Variants in NEB observed in about 807,000 individuals in gnomAD.
NEB encodes the protein nemaline myopathy type 2.
NEB carries 512 observed loss-of-function variants against 952.2 expected under a neutral mutation model. The observed-to-expected ratio is 0.54, with a 90% CI of 0.50 to 0.58. NEB has a LOEUF of 0.58. Ranked by LOEUF, NEB falls within the 20% of genes least tolerant of loss-of-function variation. The probability of loss-of-function intolerance (pLI) is 0.00; values close to 1 mark genes in which losing one functional copy is unlikely to be tolerated. For missense variants in NEB, 8,428 were observed against 9,231.1 expected (o/e 0.91, Z 3.56); for synonymous variants, 2,900 against 3,149.8 (o/e 0.92, Z 2.66).
intron 40 of NEB, among the ~76,000 whole-genome samples, chr2:151,667,454 G>A (rs539695426): frequency 3.3e-5 from 5 of 152,032 alleles, no homozygotes; most frequent in African/African-American, 1.2e-4. Context: ...TTGGCAATTA[G>A]GATTTTAGGA....
intron 7 of NEB, 80 bp downstream of exon 7, chr2:151,724,777 G>T: frequency 8.3e-7 from 1 of 1,204,496 alleles, no homozygotes; most frequent in Non-Finnish European, 1.2e-6. Context: ...GATCAGGCCT[G>T]TCCAATTTTC....
At chr2:151,707,836 T>C (rs11695661) in intron 12 of NEB, among the ~76,000 whole-genome samples, 104,012 of 152,080 alleles carry the variant, frequency 0.68, 39,104 homozygotes, top group Non-Finnish European at 0.83. Flanking sequence ...AGGCAAGAGA[T>C]ACACAAGGGA....
In NEB at chr2:151,663,803, G is replaced by C. The variant is rs764243554; in HGVS notation, c.5508C>G (p.Ser1836Arg). 5.6e-6 allele frequency: 9 copies of C among 1,613,672 alleles called. No individual in the cohort carries two copies. In the Admixed American group the frequency reaches 6.7e-5, roughly 12 times the overall value. Residue 1836 changes from serine to arginine, a missense_variant, in exon 45 of 182, where the codon AGC (serine) becomes AGG (arginine). Around this residue, in one of 11 missense-constraint regions of NEB, gnomAD observed 2,851 missense variants for 2,791.5 expected, o/e 1.02. Transcript: ENST00000397345. ...GCACCAGCTTGGGGTCATCTTCCAG[G>C]CTCCGGAAGCCAATGTGTTTCCCTT... ...QAKGKHIGFR[S>R]LEDDPKLVHF... is the part of the protein sequence containing the mutation.
Position 151,576,304 on chromosome 2 carries a change from G to A in NEB, c.16755C>T (p.Pro5585=). The A allele has an allele frequency of 6.2e-7, 1 of 1,609,754 alleles. No homozygotes were observed. Among genetic ancestry groups the A allele is most frequent in the Non-Finnish European group, 8.5e-7 (1 of 1,177,368 alleles). Residue 5585 remains proline, a synonymous_variant, in exon 106 of 182, where the codon CCC becomes CCT. Transcript: ENST00000397345. The part of the protein sequence containing the change: ...LEWLRGIGWM[P]QGSPEVLRVK... Reference sequence around the variant, plus strand: ...CTCTCAACACTTCAGGAGACCCTTGGGGCATCCAGCCAATGCCACGCAACC... The same window carrying A: ...CTCTCAACACTTCAGGAGACCCTTGAGGCATCCAGCCAATGCCACGCAACC...
At chr2:151,714,877 T>A (rs1237397932) in intron 10 of NEB, among the ~76,000 whole-genome samples, 1 of 152,220 alleles carries the variant, frequency 6.6e-6, no homozygotes, top group Admixed American at 6.5e-5. Flanking sequence ...GGTAAGTCAC[T>A]CTTGGCAGCC....
chr2:151,570,932 G>T (rs2096607151), intron 107 of NEB, among the ~76,000 whole-genome samples: 1 of 152,186 alleles, frequency 6.6e-6, no homozygotes, highest in Admixed American at 6.5e-5. Context: ...ATGGGTAATA[G>T]TCACATGAGG....
intron 77 of NEB, 27 bp downstream of exon 77, chr2:151,614,249 T>C: frequency 6.2e-7 from 1 of 1,604,170 alleles, no homozygotes; most frequent in South Asian, 1.1e-5. Context: ...TTCTAAACCA[T>C]TACTGAAGAA....
rs1280799991 is a variant in NEB, at chr2:151,711,109, C to G, written c.823-571G>C. 2.0e-5 allele frequency among the ~76,000 whole-genome samples: 3 copies of G among 152,304 alleles called. No individual in the cohort carries two copies. In the East Asian group the frequency reaches 5.8e-4, roughly 29 times the overall value. On this transcript the variant is annotated intron_variant, in intron 10 of 181. Coordinates refer to ENST00000397345, the MANE Select transcript of NEB (RefSeq NM_001164508.2). Reference sequence around the variant, plus strand: ...TCCATCTGAATCCCAGGCTGTAAGGCTCCTGGAAGAGAGAAGTGGTATGTC... The same window carrying G: ...TCCATCTGAATCCCAGGCTGTAAGGGTCCTGGAAGAGAGAAGTGGTATGTC...
chr2:151,530,958 AG>A (rs1396376181), intron 145 of NEB, 35 bp downstream of exon 145: 1 of 1,407,698 alleles, frequency 7.1e-7, no homozygotes. Context: ...AAGGAGGCCA[AG>A]ATGAGAGGGA....
At chr2:151,664,703 A>ATG (rs1350087814) in intron 43 of NEB, 56 bp downstream of exon 43, 15 of 1,529,478 alleles carry the variant, frequency 9.8e-6, no homozygotes, top group Non-Finnish European at 1.3e-5. Flanking sequence ...ATGCAGACAT[A>ATG]AGTATCAGTT....
chr2:151,616,270 T>C (rs1329296078), intron 75 of NEB, among the ~76,000 whole-genome samples, 161 bp from the exon 76 acceptor site: 1 of 152,084 alleles, frequency 6.6e-6, no homozygotes, highest in Non-Finnish European at 1.5e-5. Context: ...GCTTAGGATT[T>C]TTAAGGCACA....
chr2:151,656,846 T>TG (rs1194418378), intron 48 of NEB, among the ~76,000 whole-genome samples: 1 of 125,982 alleles, frequency 7.9e-6, no homozygotes, highest in East Asian at 3.2e-4. Context: ...ACACAGAAGA[T>TG]GAAAAAAAAA....
intron 173 of NEB, among the ~76,000 whole-genome samples, chr2:151,494,504 G>GA (rs1398403518): frequency 1.3e-5 from 2 of 152,112 alleles, no homozygotes; most frequent in African/African-American, 4.8e-5. Flanking sequence ...AAAAGGATGA[G>GA]AAACCACCAT....
chr2:151,729,574 T>A, intron 4 of NEB, 41 bp downstream of exon 4: 1 of 1,606,038 alleles, frequency 6.2e-7, no homozygotes, highest in South Asian at 1.1e-5. Flanking sequence ...CTTCCTGCTT[T>A]AATGAGAATG....
At chr2:151,512,503 A>G (rs1413449144) in intron 161 of NEB, among the ~76,000 whole-genome samples, 2 of 152,092 alleles carry the variant, frequency 1.3e-5, no homozygotes, top group African/African-American at 4.8e-5. Context: ...TTGTAGGGAC[A>G]GGGTTTTGCC....
intron 181 of NEB, among the ~76,000 whole-genome samples, chr2:151,486,990 G>A (rs550979811): frequency 6.6e-6 from 1 of 152,262 alleles, no homozygotes; most frequent in East Asian, 1.9e-4. Context: ...TGGAAAAAAA[G>A]CTTAAAATCA....
Position 151,576,242 on chromosome 2 carries a change from T to A in NEB, c.16817A>T (p.Tyr5606Phe). 1.9e-6 allele frequency: 3 copies of A among 1,611,574 alleles called. No individual in the cohort carries two copies. The highest frequency in any genetic ancestry group is 2.5e-6 in the Non-Finnish European group (3 of 1,178,278). Residue 5606 changes from tyrosine to phenylalanine, a missense_variant, in exon 106 of 182, where the codon TAT (tyrosine) becomes TTT (phenylalanine). Physicochemically the swap from Tyr to Phe is conservative, Grantham distance 22 (BLOSUM62 3). This residue lies in a region of NEB where 3,374 missense variants were observed against 3,651.5 expected (regional missense o/e 0.92). Transcript: ENST00000397345. Reference sequence around the variant, plus strand: ...CTTAAGGTTCACCACAGGCGTCCGATAGACACTGTCACAAAAGATATTCTG... The same window carrying A: ...CTTAAGGTTCACCACAGGCGTCCGAAAGACACTGTCACAAAAGATATTCTG... ...NAQNIFCDSV[Y>F]RTPVVNLKYT...
intron 29 of NEB, 57 bp from the exon 30 acceptor site, chr2:151,680,885 G>A (rs528258272): frequency 4.6e-5 from 60 of 1,299,774 alleles, no homozygotes; most frequent in Admixed American, 3.8e-4. Flanking sequence ...AGATTAATAC[G>A]TCAAAATCCT....
At chr2:151,493,110 C>T (rs1367474684) in intron 176 of NEB, 1 of 425,664 alleles carries the variant, frequency 2.3e-6, no homozygotes, top group Non-Finnish European at 4.2e-6. Flanking sequence ...TGGCAATTAA[C>T]TTGTTATGTT....
Sources: gnomAD v4.1 joint callset for allele counts (sites outside exome capture counted in the v4.1 genomes callset) on GRCh38, gnomAD v4.1.1 for gene constraint, gnomAD v4.1.1 regional missense constraint, MANE v1.5 for transcripts, NCBI Gene and HGNC (gene_info 2026-07-23, HGNC 2026-07-21) for gene names.